Variants in PCNX2 observed in about 807,000 individuals in gnomAD.
PCNX2 encodes pecanex-like protein 2.
In PCNX2, 168 loss-of-function variants were observed where a neutral mutation model predicts 223.8. The ratio of observed to expected loss-of-function variants is 0.75; its 90% CI spans 0.66 to 0.85. The LOEUF (loss-of-function observed/expected upper bound fraction) is 0.85. Among genes scored for constraint, PCNX2 ranks in the 40% least tolerant of loss-of-function variants. The pLI is 0.00. For missense variants in PCNX2, 2,507 were observed against 2,675.5 expected, an observed-to-expected ratio of 0.94 and a Z score of 1.39; for synonymous variants, 1,006 against 1,052.6, an observed-to-expected ratio of 0.96 and a Z score of 0.86.
intron 19 of PCNX2, among the ~76,000 whole-genome samples, chr1:233,151,300 T>C (rs1677793630): frequency 6.6e-6 from 1 of 152,146 alleles, no homozygotes; most frequent in Admixed American, 6.5e-5. Context: ...CCAACAGACC[T>C]ACTTTAGGGA....
intron 23 of PCNX2, among the ~76,000 whole-genome samples, chr1:233,067,932 A>G (rs950245187): frequency 2.6e-5 from 4 of 152,174 alleles, no homozygotes; most frequent in Non-Finnish European, 4.4e-5. Context: ...TCCAAAACCC[A>G]TGGGACTGTA....
intron 26 of PCNX2, among the ~76,000 whole-genome samples, chr1:233,023,687 T>C (rs1173880997): frequency 2.0e-5 from 3 of 152,190 alleles, no homozygotes; most frequent in African/African-American, 7.2e-5. Flanking sequence ...TCTTCCCCCA[T>C]TTACATTAGG....
Position 233,188,708 on chromosome 1 carries a change from A to C in PCNX2, c.3067-9533T>G, listed in dbSNP as rs571353523. On this transcript the variant is annotated intron_variant, in intron 15 of 33. Coordinates refer to ENST00000258229, the MANE Select transcript of PCNX2 (RefSeq NM_014801.4). ...CAACTAATTTTTGTATTTTTAGTAGAGATGGGGTTTCACCATGTTGGTCAG... is the reference window on the plus strand; with the variant it reads ...CAACTAATTTTTGTATTTTTAGTAGCGATGGGGTTTCACCATGTTGGTCAG... 3.9e-5 allele frequency among the ~76,000 whole-genome samples: 6 copies of C among 152,228 alleles called. No homozygotes were observed. The East Asian group carries it at 1.2e-3, about 29-fold the overall frequency.
intron 21 of PCNX2, among the ~76,000 whole-genome samples, chr1:233,108,962 G>A (rs1195701452): frequency 6.6e-6 from 1 of 152,136 alleles, no homozygotes; most frequent in East Asian, 1.9e-4. Flanking sequence ...GACAGGAAAG[G>A]TATAAGAGCA....
At chr1:233,031,575 A>G (rs189228765) in intron 25 of PCNX2, among the ~76,000 whole-genome samples, 1 of 152,342 alleles carries the variant, frequency 6.6e-6, no homozygotes, top group Non-Finnish European at 1.5e-5. Context: ...ATAATATGCC[A>G]GAGATTGAAA....
At chr1:233,224,914 A>G (rs1242818041) in intron 10 of PCNX2, among the ~76,000 whole-genome samples, 1 of 151,954 alleles carries the variant, frequency 6.6e-6, no homozygotes, top group Non-Finnish European at 1.5e-5. Flanking sequence ...ACATATAGAC[A>G]CAGGGAGGAG....
the PCNX2 span, among the ~76,000 whole-genome samples, chr1:233,303,151 A>T: frequency 6.6e-6 from 1 of 152,210 alleles, no homozygotes; most frequent in African/African-American, 2.4e-5. Context: ...ATATTCTTTA[A>T]CATAAATCAA....
intron 1 of PCNX2, chr1:233,294,070 G>C (rs954832929): frequency 1.9e-5 from 16 of 851,184 alleles, no homozygotes; most frequent in Non-Finnish European, 2.3e-5. Flanking sequence ...TTTCTGTGAA[G>C]TGGTGATTGT....
intron 28 of PCNX2, among the ~76,000 whole-genome samples, chr1:233,007,421 A>T (rs1474998): frequency 0.44 from 66,605 of 151,948 alleles, 16,180 homozygotes; most frequent in African/African-American, 0.65. Flanking sequence ...AAATACTCAG[A>T]ATCTGATGTC....
intron 27 of PCNX2, among the ~76,000 whole-genome samples, 183 bp from the exon 28 acceptor site, chr1:233,014,960 C>T (rs1256732329): frequency 3.3e-5 from 5 of 150,836 alleles, no homozygotes; most frequent in South Asian, 2.1e-4. Context: ...TGGTTGGACA[C>T]GGAAAAAAAA....
At chr1:233,194,302 T>A (rs1370602542) in intron 15 of PCNX2, among the ~76,000 whole-genome samples, 1 of 151,434 alleles carries the variant, frequency 6.6e-6, no homozygotes, top group Non-Finnish European at 1.5e-5. Context: ...AGTGAAGATA[T>A]CCTTCAAAAG....
intron 15 of PCNX2, among the ~76,000 whole-genome samples, chr1:233,187,763 C>G (rs1395108847): frequency 1.2e-4 from 19 of 152,160 alleles, no homozygotes; most frequent in Admixed American, 1.2e-3. Context: ...CACGAGCTGG[C>G]TGGCTGAGAT....
chr1:233,104,682 T>C (rs1674665049), intron 21 of PCNX2, among the ~76,000 whole-genome samples: 1 of 152,116 alleles, frequency 6.6e-6, no homozygotes, highest in African/African-American at 2.4e-5. Flanking sequence ...GATATGTATA[T>C]TAGAACCTTA....
chr1:233,036,254 C>T (rs1671450352), intron 25 of PCNX2, among the ~76,000 whole-genome samples: 1 of 152,122 alleles, frequency 6.6e-6, no homozygotes. Flanking sequence ...GTCATCTATT[C>T]CCAGCCACCT....
chr1:233,248,199 C>T (rs560309522), intron 8 of PCNX2, among the ~76,000 whole-genome samples: 4 of 152,150 alleles, frequency 2.6e-5, no homozygotes, highest in African/African-American at 7.2e-5. Flanking sequence ...AAACAGAGTC[C>T]TCGGGGTCAC....
At chr1:233,292,202 C>CTTTTTTTTTTTTT (rs963996089) in intron 1 of PCNX2, among the ~76,000 whole-genome samples, 39 of 109,480 alleles carry the variant, frequency 3.6e-4, no homozygotes, top group African/African-American at 4.4e-4. Flanking sequence ...TTCTTTCTTT[C>CTTTTTTTTTTTTT]TTTTTTTTTT....
chr1:233,079,621 G>A (rs940971350), intron 23 of PCNX2, among the ~76,000 whole-genome samples: 21 of 151,878 alleles, frequency 1.4e-4, no homozygotes, highest in African/African-American at 4.8e-4. Context: ...GATTTCAAGT[G>A]ACAGAAAACT....
At chr1:233,120,805 C>G (rs903363084) in intron 21 of PCNX2, among the ~76,000 whole-genome samples, 1 of 151,754 alleles carries the variant, frequency 6.6e-6, no homozygotes, top group Non-Finnish European at 1.5e-5. Flanking sequence ...TCTAGATACA[C>G]AAATTAAGAA....
At chr1:233,200,882 T>C (rs79989163) in intron 13 of PCNX2, among the ~76,000 whole-genome samples, 39,848 of 150,426 alleles carry the variant, frequency 0.26, 5,697 homozygotes, top group East Asian at 0.56. Flanking sequence ...AAAAATTAGC[T>C]GGGCGTGGTG....
Sources: gnomAD v4.1 joint callset for allele counts (sites outside exome capture counted in the v4.1 genomes callset) on GRCh38, gnomAD v4.1.1 for gene constraint, MANE v1.5 for transcripts, NCBI Gene and HGNC (gene_info 2026-07-23, HGNC 2026-07-21) for gene names.